GLB1L3: variants seen among roughly 807,000 people sequenced by gnomAD.
GLB1L3 encodes the protein galactosidase beta 1 like 3.
Under a neutral mutation model 89.5 loss-of-function variants are expected in GLB1L3, and 89 were observed. The observed-to-expected ratio is 0.99, with a 90% CI of 0.84 to 1.19. The LOEUF is 1.19. Ranked by LOEUF, GLB1L3 falls within the 50% of genes most tolerant of loss-of-function variation. The pLI is 0.00. For synonymous variants in GLB1L3, 314 were observed against 312.3 expected (o/e 1.01, Z -0.06); for missense variants, 812 against 813.3 (o/e 1.00, Z 0.02).
chr11:134,314,575 C>T, intron 18 of GLB1L3, 134 bp downstream of exon 18: 1 of 684,724 alleles, frequency 1.5e-6, no homozygotes, highest in Admixed American at 2.4e-5. Flanking sequence ...TCCAACCAAG[C>T]CTTCCAACAT....
At chr11:134,292,985 G>A (rs956924687) in intron 8 of GLB1L3, 160 bp from the exon 9 acceptor site, 3 of 666,950 alleles carry the variant, frequency 4.5e-6, no homozygotes, top group Non-Finnish European at 8.1e-6. Context: ...GGCCGTGGCA[G>A]CCCTTTGGAT....
intron 18 of GLB1L3, among the ~76,000 whole-genome samples, chr11:134,318,139 A>G (rs866649541): frequency 6.6e-5 from 10 of 152,142 alleles, no homozygotes; most frequent in Middle Eastern, 3.2e-3. Context: ...AGAGACTCCA[A>G]TTTTATGTGC....
chr11:134,307,400 A>T (rs921959958), intron 10 of GLB1L3, among the ~76,000 whole-genome samples, 192 bp downstream of exon 10: 2 of 152,216 alleles, frequency 1.3e-5, no homozygotes, highest in African/African-American at 2.4e-5. Context: ...CACCCCCAAC[A>T]GAGTATAAGT....
intron 9 of GLB1L3, among the ~76,000 whole-genome samples, chr11:134,295,532 A>C (rs1941585699): frequency 6.6e-6 from 1 of 152,078 alleles, no homozygotes; most frequent in Non-Finnish European, 1.5e-5. Flanking sequence ...AGAAGTTTAT[A>C]ATTTTTTTTG....
intron 11 of GLB1L3, 42 bp downstream of exon 11, chr11:134,309,805 G>A (rs773337470): frequency 1.2e-6 from 2 of 1,604,292 alleles, no homozygotes; most frequent in South Asian, 1.1e-5. Context: ...CATGGGCGGT[G>A]CTGGGGCTTT....
intron 9 of GLB1L3, among the ~76,000 whole-genome samples, chr11:134,305,774 C>T (rs1030513820): frequency 1.3e-5 from 2 of 151,906 alleles, no homozygotes; most frequent in African/African-American, 2.4e-5. Flanking sequence ...TAAGATTATA[C>T]CTGAACAAGA....
In GLB1L3 at chr11:134,288,801, C is replaced by T. The variant is rs527516953; in HGVS notation, c.640C>T (p.Arg214Cys). 18 of 1,612,154 alleles carry T rather than the reference C, an allele frequency of 1.1e-5. No individual in the cohort carries two copies. The highest frequency in any genetic ancestry group is 6.7e-5 in the East Asian group (3 of 44,838). The stretch of plus-strand genomic sequence containing the variant: ...CCCTCCTATGCTTGTTTCTCAGTAC[C>T]GCCAGGCAGGCCCTGTCATCGCGGT... ...LIPRVIPLQY[R>C]QAGPVIAVQV... Residue 214 changes from arginine to cysteine, a missense_variant, in exon 7 of 20, where the codon CGC becomes TGC. Around this residue, in one of 3 missense-constraint regions of GLB1L3, gnomAD observed 618 missense variants for 604.0 expected, o/e 1.02. Transcript: ENST00000431683.
At chr11:134,316,332 A>G (rs971478412) in intron 18 of GLB1L3, among the ~76,000 whole-genome samples, 17 of 152,074 alleles carry the variant, frequency 1.1e-4, no homozygotes, top group Non-Finnish European at 4.4e-5. Context: ...ATATCAGTGC[A>G]TTATTTTTAT....
rs562136108 is a variant in GLB1L3, at chr11:134,301,020, G to A, written c.877-6104G>A. Among the ~76,000 whole-genome samples the A allele has an allele frequency of 5.9e-5, 9 of 152,288 alleles. No individual in the cohort carries two copies. The South Asian group carries it at 1.9e-3, about 32-fold the overall frequency. On this transcript the variant is annotated intron_variant, in intron 9 of 19. Transcript: ENST00000431683. ...CTTGGGGAGTTAAAGCCAGCATCAG[G>A]GTGTCAGCCGCCATCCGTCTCGGCT...
intron 10 of GLB1L3, among the ~76,000 whole-genome samples, chr11:134,308,551 C>G (rs1355193929): frequency 5.7e-5 from 2 of 34,936 alleles, no homozygotes; most frequent in East Asian, 6.4e-4. Flanking sequence ...CCATCACCAT[C>G]ACCATCACCA....
chr11:134,285,882 A>G (rs1940955795), intron 6 of GLB1L3, among the ~76,000 whole-genome samples: 2 of 150,916 alleles, frequency 1.3e-5, no homozygotes, highest in African/African-American at 2.4e-5. Flanking sequence ...TTTGTAACTA[A>G]TTTGGAATCA....
chr11:134,309,525 A>G, intron 10 of GLB1L3, 101 bp from the exon 11 acceptor site: 5 of 776,466 alleles, frequency 6.4e-6, no homozygotes, highest in Non-Finnish European at 9.8e-6. Context: ...AGTTACTGTA[A>G]CTGATTGTGG....
chr11:134,277,554 T>C lies in GLB1L3; in HGVS notation c.149+103T>C, dbSNP rs1268082098. 1.9e-6 allele frequency: 3 copies of C among 1,539,406 alleles called. No homozygotes were observed. The East Asian group carries it at 6.8e-5, about 35-fold the overall frequency. ...GCACAGAACACGTCCTACTAACATA[T>C]GCACAGAACACGTCCTACTAACATA... On this transcript the variant is annotated intron_variant, in intron 2 of 19. Transcript: ENST00000431683.
chr11:134,288,827 G>T lies in GLB1L3; in HGVS notation c.666G>T (p.Val222=). 6.2e-7 allele frequency: 1 copy of T among 1,613,546 alleles called. No homozygotes were observed. The highest frequency in any genetic ancestry group is 8.5e-7 in the Non-Finnish European group (1 of 1,179,698). ...GCCAGGCAGGCCCTGTCATCGCGGTGCAAGTGGAGAATGAGTATGGCTCAT... is the reference window on the plus strand; with the variant it reads ...GCCAGGCAGGCCCTGTCATCGCGGTTCAAGTGGAGAATGAGTATGGCTCAT... ...QYRQAGPVIA[V]QVENEYGSFN... The change falls in exon 7 of 20, where the codon GTG becomes GTT. Residue 222 remains valine (V), a synonymous_variant. Coordinates refer to ENST00000431683, the MANE Select transcript of GLB1L3 (RefSeq NM_001080407.3).
chr11:134,290,447 C>A (rs1941286198), intron 7 of GLB1L3, among the ~76,000 whole-genome samples: 1 of 151,758 alleles, frequency 6.6e-6, no homozygotes, highest in African/African-American at 2.4e-5. Flanking sequence ...GTGGTGCACA[C>A]CTGTAATCCC....
chr11:134,313,009 C>T (rs1221924849), intron 15 of GLB1L3, 122 bp downstream of exon 15: 11 of 772,922 alleles, frequency 1.4e-5, no homozygotes, highest in African/African-American at 3.5e-5. Flanking sequence ...TCACCTGGGG[C>T]GGCGGCAGGA....
At chr11:134,285,908 GTTT>G (rs1162065552) in intron 6 of GLB1L3, among the ~76,000 whole-genome samples, 4 of 130,112 alleles carry the variant, frequency 3.1e-5, no homozygotes, top group African/African-American at 5.7e-5. Context: ...TGTGAGTTCT[GTTT>G]TTTTTTTTTT....
intron 8 of GLB1L3, 67 bp from the exon 9 acceptor site, chr11:134,293,078 G>A: frequency 6.1e-6 from 8 of 1,320,476 alleles, no homozygotes; most frequent in South Asian, 3.6e-5. Flanking sequence ...GGCCGGGGGC[G>A]CATTCCTTCC....
chr11:134,301,058 G>T (rs147339672), intron 9 of GLB1L3, among the ~76,000 whole-genome samples: 1 of 152,202 alleles, frequency 6.6e-6, no homozygotes, highest in African/African-American at 2.4e-5. Flanking sequence ...CTTGACTTCA[G>T]ACTCTCACGC....
Sources: allele counts gnomAD v4.1 joint callset (sites outside exome capture counted in the v4.1 genomes callset), GRCh38; gene constraint gnomAD v4.1.1; regional missense constraint gnomAD v4.1.1; transcripts MANE v1.5; gene names NCBI Gene and HGNC (gene_info 2026-07-23, HGNC 2026-07-21).